The following OLFM3 variants were observed in gnomAD, a reference collection of about 807,000 sequenced individuals.
OLFM3 encodes the protein olfactomedin 3.
A neutral mutation model predicts 48.6 loss-of-function variants in OLFM3; 20 were observed. The ratio of observed to expected loss-of-function variants is 0.41; its 90% CI spans 0.29 to 0.60. The LOEUF is 0.60. Among genes scored for constraint, OLFM3 ranks in the 20% least tolerant of loss-of-function variants. The pLI, the probability that OLFM3 is intolerant of heterozygous loss-of-function variation, is 0.28. For synonymous variants in OLFM3, 222 were observed against 198.1 expected, an observed-to-expected ratio of 1.12 and a Z score of -1.01; for missense variants, 437 against 544.3, an observed-to-expected ratio of 0.80 and a Z score of 1.96.
At chr1:101,870,777 G>A (rs997639551) in intron 1 of OLFM3, among the ~76,000 whole-genome samples, 1 of 151,928 alleles carries the variant, frequency 6.6e-6, no homozygotes, top group Non-Finnish European at 1.5e-5. Flanking sequence ...AATACCTAGA[G>A]AGCTTTTTTA....
At chr1:101,938,616 G>T (rs1000126941) in intron 1 of OLFM3, among the ~76,000 whole-genome samples, 1 of 152,186 alleles carries the variant, frequency 6.6e-6, no homozygotes, top group Admixed American at 6.5e-5. Flanking sequence ...CTTTTGCAAG[G>T]AAAGGAGAGA....
At chr1:101,883,302 T>C (rs893673757) in intron 1 of OLFM3, among the ~76,000 whole-genome samples, 3 of 149,690 alleles carry the variant, frequency 2.0e-5, no homozygotes, top group African/African-American at 7.3e-5. Flanking sequence ...CTATATATAA[T>C]ATATATACAC....
At chr1:101,841,123 C>T (rs1357322566) in intron 1 of OLFM3, among the ~76,000 whole-genome samples, 23 of 152,154 alleles carry the variant, frequency 1.5e-4, no homozygotes. Flanking sequence ...TATGATAGTT[C>T]TAAGGCTTCA....
intron 1 of OLFM3, among the ~76,000 whole-genome samples, chr1:101,938,975 T>C (rs1446795428): frequency 6.6e-6 from 1 of 152,214 alleles, no homozygotes; most frequent in East Asian, 1.9e-4. Context: ...TGGCTCTTTC[T>C]TTCTCTTTTT....
intron 1 of OLFM3, among the ~76,000 whole-genome samples, chr1:101,905,138 T>G (rs530731580): frequency 6.6e-6 from 1 of 152,156 alleles, no homozygotes; most frequent in Non-Finnish European, 1.5e-5. Context: ...TTTTCATTAG[T>G]AAGTCTTCAA....
intron 1 of OLFM3, 62 bp from the exon 2 acceptor site, chr1:101,837,087 G>C (rs537295746): frequency 6.7e-7 from 1 of 1,487,798 alleles, no homozygotes; most frequent in Non-Finnish European, 9.1e-7. Flanking sequence ...AAGAGTGTTG[G>C]TTTGTAGCAT....
chr1:101,844,389 G>C (rs1248288111), intron 1 of OLFM3, among the ~76,000 whole-genome samples: 1 of 152,080 alleles, frequency 6.6e-6, no homozygotes, highest in Non-Finnish European at 1.5e-5. Context: ...ATCTGAGCAG[G>C]GTAGTGAGAA....
intron 1 of OLFM3, among the ~76,000 whole-genome samples, chr1:101,987,125 G>A (rs866992949): frequency 2.0e-5 from 3 of 152,160 alleles, no homozygotes; most frequent in South Asian, 2.1e-4. Flanking sequence ...TGATTTGACC[G>A]ACAAAGAGGT....
Position 101,865,112 on chromosome 1 carries a change from T to G in OLFM3, c.70-28087A>C, listed in dbSNP as rs74107960. Among the ~76,000 whole-genome samples the G allele has an allele frequency of 2.5e-3, 377 of 152,294 alleles. 2 individuals carry two copies. The highest frequency in any genetic ancestry group is 8.6e-3 in the African/African-American group (359 of 41,560). On this transcript the variant is annotated intron_variant, in intron 1 of 5. Coordinates refer to ENST00000370103, the MANE Select transcript of OLFM3 (RefSeq NM_058170.4). ...TGCCTCCTCCTTATGTAGAATTCAC[T>G]TTGGTTTCCCTCAGCCATTTGTACC... is the stretch of plus-strand genomic sequence containing the variant.
Position 101,824,762 on chromosome 1 carries a change from A to G in OLFM3, c.592+264T>C, listed in dbSNP as rs550249095. Among the ~76,000 whole-genome samples the G allele has an allele frequency of 1.4e-4, 21 of 152,290 alleles. No individual in the cohort carries two copies. In the South Asian group the frequency reaches 4.1e-3, roughly 30 times the overall value. ...AAATAAAATGTATATCCACTAGTGT[A>G]GTCCATAGAGTTGACTGTATTTGCC... On this transcript the variant is annotated intron_variant, in intron 4 of 5. Coordinates refer to ENST00000370103, the MANE Select transcript of OLFM3 (RefSeq NM_058170.4).
At chr1:101,894,815 CA>C (rs1254789218) in intron 1 of OLFM3, among the ~76,000 whole-genome samples, 1 of 152,026 alleles carries the variant, frequency 6.6e-6, no homozygotes, top group African/African-American at 2.4e-5. Flanking sequence ...CATCTTTACA[CA>C]AATTATATAT....
At chr1:101,847,023 C>T (rs779773527) in intron 1 of OLFM3, 12 of 1,559,986 alleles carry the variant, frequency 7.7e-6, no homozygotes, top group Admixed American at 5.2e-5. Context: ...ATCCCGGTGC[C>T]GGGCTGGCAG....
intron 1 of OLFM3, among the ~76,000 whole-genome samples, chr1:101,944,657 A>G (rs1659899090): frequency 6.6e-6 from 1 of 152,120 alleles, no homozygotes; most frequent in African/African-American, 2.4e-5. Flanking sequence ...AGGTGTGCAG[A>G]TCACCTGAGG....
At chr1:101,835,504 G>A (rs1011132743) in intron 2 of OLFM3, among the ~76,000 whole-genome samples, 1 of 152,166 alleles carries the variant, frequency 6.6e-6, no homozygotes, top group Non-Finnish European at 1.5e-5. Flanking sequence ...AGTAGAGATG[G>A]TGTTTTGCCA....
chr1:101,933,710 G>T (rs1018549440), intron 1 of OLFM3, among the ~76,000 whole-genome samples: 4 of 152,114 alleles, frequency 2.6e-5, no homozygotes, highest in Non-Finnish European at 5.9e-5. Flanking sequence ...AAGGCAGCTA[G>T]ATAGAAGGGG....
chr1:101,809,648 T>A (rs905783967), intron 4 of OLFM3, among the ~76,000 whole-genome samples: 4 of 151,824 alleles, frequency 2.6e-5, no homozygotes, highest in African/African-American at 9.7e-5. Flanking sequence ...CAGCCCAGAA[T>A]GGAAACACAG....
chr1:101,865,868 T>C (rs1473538899), intron 1 of OLFM3, among the ~76,000 whole-genome samples: 4 of 152,238 alleles, frequency 2.6e-5, no homozygotes, highest in African/African-American at 7.2e-5. Context: ...ATAAAGAATT[T>C]GTATTAACAT....
At chr1:101,936,202 C>A (rs898286857) in intron 1 of OLFM3, among the ~76,000 whole-genome samples, 6 of 152,212 alleles carry the variant, frequency 3.9e-5, no homozygotes, top group Admixed American at 2.6e-4. Flanking sequence ...GATGATGATT[C>A]TCTACTTAGT....
intron 1 of OLFM3, among the ~76,000 whole-genome samples, chr1:101,887,863 C>G (rs1343167233): frequency 6.6e-6 from 1 of 151,532 alleles, no homozygotes; most frequent in Non-Finnish European, 1.5e-5. Flanking sequence ...ATATATATCT[C>G]ATGCTTACAT....
Sources: allele counts gnomAD v4.1 joint callset (sites outside exome capture counted in the v4.1 genomes callset), GRCh38; gene constraint gnomAD v4.1.1; transcripts MANE v1.5; gene names NCBI Gene and HGNC (gene_info 2026-07-23, HGNC 2026-07-21).